The following GNGT1 variants were observed in gnomAD, a reference collection of about 807,000 sequenced individuals.
GNGT1 encodes the protein G protein subunit gamma transducin 1.
GNGT1 carries 4 observed loss-of-function variants against 7.4 expected under a neutral mutation model. That is an observed-to-expected ratio of 0.54 (90% CI 0.27 to 1.24). The LOEUF is 1.24. GNGT1 is among the 50% of genes most tolerant of loss of function. The probability of loss-of-function intolerance (pLI) is 0.12; values close to 1 mark genes in which losing one functional copy is unlikely to be tolerated. For missense variants in GNGT1, 95 were observed against 82.4 expected, an observed-to-expected ratio of 1.15 and a Z score of -0.59; for synonymous variants, 37 against 30.2, an observed-to-expected ratio of 1.23 and a Z score of -0.74.
intron 2 of GNGT1, among the ~76,000 whole-genome samples, chr7:93,907,919 T>C (rs1330529441): frequency 1.3e-5 from 2 of 152,198 alleles, no homozygotes; most frequent in Non-Finnish European, 2.9e-5. Context: ...ACCAGACAAG[T>C]TAAAGTCCTT....
Position 93,910,795 on chromosome 7 carries a change from CA to C in GNGT1, c.105del (p.Lys35AsnfsTer6). The C allele has an allele frequency of 6.3e-7, 1 of 1,599,098 alleles. No individual in the cohort carries two copies. The highest frequency in any genetic ancestry group is 8.5e-7 in the Non-Finnish European group (1 of 1,171,616). On this transcript the variant is annotated frameshift_variant, in exon 3 of 3. Coordinates refer to ENST00000248572, the MANE Select transcript of GNGT1 (RefSeq NM_021955.5). LOFTEE classifies it high-confidence loss of function. ...CCTTTTTCCTTCCCCTTAAGGTTTC[CA>C]AATGTTGTGAAGAAGTAAGAGATTA... ...EVTLERMLVS[K>X]CCEEVRDYVE...
rs776996322 is a variant in GNGT1, at chr7:93,906,775, C to T, written c.29C>T (p.Thr10Ile). 9.3e-6 allele frequency: 15 copies of T among 1,604,828 alleles called. No homozygotes were observed. The highest frequency in any genetic ancestry group is 3.4e-5 in the Admixed American group (2 of 58,772). ...CCAGTAATCAATATTGAGGACCTGA[C>T]AGAAAAGGACAAATTGAAGATGGAA... MPVINIEDL[T>I]EKDKLKMEVD... Residue 10 changes from threonine to isoleucine, a missense_variant, in exon 2 of 3, where the codon ACA becomes ATA. Physicochemically the swap from Thr to Ile is moderately conservative, Grantham distance 89. Transcript: ENST00000248572.
At chr7:93,909,339 T>G in intron 2 of GNGT1, 1 of 511,522 alleles carries the variant, frequency 2.0e-6, no homozygotes, top group Non-Finnish European at 3.5e-6. Flanking sequence ...TAACTAAGAC[T>G]AAATAGCTAG....
At chr7:93,908,410 C>T (rs1266944620) in intron 2 of GNGT1, among the ~76,000 whole-genome samples, 23 of 151,850 alleles carry the variant, frequency 1.5e-4, no homozygotes, top group Admixed American at 1.5e-3. Context: ...GCAGATTCAG[C>T]GTCTGGCGAG....
intron 2 of GNGT1, chr7:93,910,238 T>G (rs1048639624): frequency 6.6e-6 from 1 of 152,260 alleles, no homozygotes. Context: ...GCCTCTGTTC[T>G]AGATGGCTGG....
intron 2 of GNGT1, chr7:93,909,455 G>A: frequency 1.4e-6 from 1 of 701,334 alleles, no homozygotes; most frequent in Non-Finnish European, 2.6e-6. Context: ...TAGGTAATTT[G>A]TTGCTCCTTT....
chr7:93,907,090 A>G (rs1204042617), intron 2 of GNGT1, among the ~76,000 whole-genome samples: 1 of 151,932 alleles, frequency 6.6e-6, no homozygotes, highest in Non-Finnish European at 1.5e-5. Flanking sequence ...GTATGACCAC[A>G]AAGATAAGAA....
intron 2 of GNGT1, among the ~76,000 whole-genome samples, chr7:93,908,963 G>C (rs544249242): frequency 1.2e-3 from 184 of 152,180 alleles, no homozygotes; most frequent in Non-Finnish European, 2.1e-3. Flanking sequence ...TAATTGGGAG[G>C]AATAAACAAG....
Sources: allele counts gnomAD v4.1 joint callset (sites outside exome capture counted in the v4.1 genomes callset), GRCh38; gene constraint gnomAD v4.1.1; transcripts MANE v1.5; gene names NCBI Gene and HGNC (gene_info 2026-07-23, HGNC 2026-07-21).